CEP41: variants seen among roughly 807,000 people sequenced by gnomAD.
The protein encoded by CEP41 is centrosomal protein 41.
Under a neutral mutation model 44.3 loss-of-function variants are expected in CEP41, and 32 were observed. The observed-to-expected ratio is 0.72, with a 90% confidence interval of 0.54 to 0.97. The LOEUF (loss-of-function observed/expected upper bound fraction) is 0.97, where lower values mean the gene tolerates loss of function less well. Among genes scored for constraint, CEP41 ranks in the 50% least tolerant of loss-of-function variants. The pLI is 0.00. For missense variants in CEP41, 432 were observed against 455.2 expected (o/e 0.95, Z 0.46); for synonymous variants, 151 against 168.5 (o/e 0.90, Z 0.80).
chr7:130,422,089 T>C (rs1797526683), intron 2 of CEP41: 1 of 1,500,592 alleles, frequency 6.7e-7, no homozygotes. Context: ...TGAGTTCATA[T>C]GAGAAGCAGA....
At chr7:130,420,458 G>A (rs1260572924) in intron 2 of CEP41, 4 of 151,362 alleles carry the variant, frequency 2.6e-5, no homozygotes, top group African/African-American at 9.7e-5. Flanking sequence ...AACACAGTGA[G>A]AGCCCATCTC....
chr7:130,438,274 T>C (rs550782143), intron 1 of CEP41, among the ~76,000 whole-genome samples: 27 of 152,314 alleles, frequency 1.8e-4, no homozygotes, highest in East Asian at 7.7e-4. Flanking sequence ...ATAGTAACTA[T>C]TGGCAGGGCG....
chr7:130,416,860 C>A, intron 3 of CEP41, 59 bp downstream of exon 3: 3 of 1,298,656 alleles, frequency 2.3e-6, no homozygotes, highest in Non-Finnish European at 3.4e-6. Context: ...TAGTTAAGAA[C>A]CAATTTATAG....
intron 2 of CEP41, chr7:130,419,075 A>AT (rs1554421526): frequency 1.5e-5 from 15 of 985,318 alleles, no homozygotes; most frequent in Non-Finnish European, 2.4e-6. Flanking sequence ...TTAACACTTT[A>AT]TTTTGTATCA....
In CEP41 at chr7:130,394,547, G is replaced by A. The variant is rs758729376; in HGVS notation, c.*4344C>T. On this transcript the variant is annotated 3_prime_UTR_variant, in exon 11 of 11. Transcript: ENST00000223208. Reference sequence around the variant, plus strand: ...GATACTTTAAGCCTGGCAGAGACAGGGTAATAACACCCCCAGCAGCTCTCT... The same window carrying A: ...GATACTTTAAGCCTGGCAGAGACAGAGTAATAACACCCCCAGCAGCTCTCT... 1.1e-5 allele frequency: 5 copies of A among 453,900 alleles called. No homozygotes were observed. The highest frequency in any genetic ancestry group is 2.2e-5 in the Non-Finnish European group (5 of 226,782). 28.1% of individuals were successfully genotyped at this position (453,900 alleles called of 1,614,324 possible).
chr7:130,402,951 G>A, intron 6 of CEP41, 152 bp from the exon 7 acceptor site: 1 of 817,324 alleles, frequency 1.2e-6, no homozygotes, highest in Non-Finnish European at 2.1e-6. Flanking sequence ...TCTCAGTTCT[G>A]CCTCTGAATG....
chr7:130,440,769 G>A, intron 1 of CEP41, 165 bp downstream of exon 1: 1 of 712,808 alleles, frequency 1.4e-6, no homozygotes, highest in Non-Finnish European at 2.4e-6. Context: ...CTGCCCCGCG[G>A]CCCCCAAGCC....
At chr7:130,404,859 T>C (rs1160750164) in intron 5 of CEP41, 151 bp from the exon 6 acceptor site, 2 of 708,326 alleles carry the variant, frequency 2.8e-6, no homozygotes, top group Non-Finnish European at 5.0e-6. Context: ...CAAAGTGTAG[T>C]GGACCCCAAA....
At chr7:130,407,141 T>A (rs1797037412) in intron 5 of CEP41, among the ~76,000 whole-genome samples, 1 of 152,000 alleles carries the variant, frequency 6.6e-6, no homozygotes. Flanking sequence ...TGTTCCTGAT[T>A]GGGCAAGTAA....
intron 2 of CEP41, chr7:130,426,886 CCTCTTCTAAGACAGA>C (rs1797681292): frequency 3.7e-6 from 1 of 267,032 alleles, no homozygotes. Context: ...GCCACAATTT[CCTCTTCTAAGACAGA>C]GATAATATTT....
At position 130,400,739 on chromosome 7, in the gene CEP41, C is replaced by T. The variant is rs191246968; in HGVS notation, c.725G>A (p.Arg242His). The T allele has an allele frequency of 2.0e-5, 32 of 1,613,366 alleles. No homozygotes were observed. The highest frequency in any genetic ancestry group is 5.0e-5 in the Admixed American group (3 of 59,992). Residue 242 changes from arginine (R) to histidine (H), a missense_variant, in exon 9 of 11, where the codon CGT becomes CAT. Coordinates refer to ENST00000223208, the MANE Select transcript of CEP41 (RefSeq NM_018718.3). ...AAGCATGAAGAGGTTTTCAAATCCA[C>T]GCTCGCACATGGTGGTGGCCGCCTG... ...ASQAATTMCE[R>H]GFENLFMLSG...
In CEP41 at chr7:130,396,401, AT is replaced by A. The variant is rs781845370; in HGVS notation, c.*2489del. ...ATTGGACTGATTTCCTGATTCATTT[AT>A]TTTTTTTAAAAAATGCTTTCCTAGG... On this transcript the variant is annotated 3_prime_UTR_variant, in exon 11 of 11. Transcript: ENST00000223208. 106 of 454,284 alleles carry A rather than the reference AT, an allele frequency of 2.3e-4. 3 individuals are homozygous for A. Among genetic ancestry groups the A allele is most frequent in the South Asian group, 1.6e-3 (102 of 64,472 alleles). 28.1% of individuals were successfully genotyped at this position (454,284 alleles called of 1,614,324 possible). A position where few individuals can be genotyped will look rare whatever the true frequency, so the allele number is the denominator to read the frequency against.
rs782542855 is a variant in CEP41, at chr7:130,402,650, C to T, written c.572G>A (p.Gly191Glu). 6.2e-6 allele frequency: 10 copies of T among 1,614,090 alleles called. No individual in the cohort carries two copies. In the South Asian group the frequency reaches 1.1e-4, roughly 18 times the overall value. The part of the protein sequence containing the change: ...RDSYQQCHIV[G>E]AYSYPIATLS... ...CTTTAAAGCCTTCTCTCTCTTACCT[C>T]CAACAATGTGGCACTGCTGGTAAGA... Residue 191 changes from glycine (G) to glutamate (E), a missense_variant and splice_region_variant, in exon 7 of 11, where the codon GGA (glycine) becomes GAA (glutamate). By Grantham distance (98) the Gly-to-Glu change is moderately conservative. Coordinates refer to ENST00000223208, the MANE Select transcript of CEP41 (RefSeq NM_018718.3).
chr7:130,430,695 A>C (rs1488318740), intron 1 of CEP41, among the ~76,000 whole-genome samples: 6 of 152,308 alleles, frequency 3.9e-5, no homozygotes, highest in African/African-American at 1.4e-4. Flanking sequence ...AATTGAGTCA[A>C]GTAACGCTAA....
intron 2 of CEP41, among the ~76,000 whole-genome samples, chr7:130,422,252 A>C (rs1797531502): frequency 1.3e-5 from 2 of 152,234 alleles, no homozygotes; most frequent in Non-Finnish European, 2.9e-5. Context: ...GTTTGGTAAG[A>C]AAAGATGAAA....
chr7:130,400,296 C>G (rs782382703), intron 9 of CEP41, 42 bp from the exon 10 acceptor site: 2 of 1,415,428 alleles, frequency 1.4e-6, no homozygotes, highest in Non-Finnish European at 2.0e-6. Context: ...ATTAATATGG[C>G]AAGGCCAGGC....
rs1442505460 is a variant in CEP41, at chr7:130,393,921, A to C, written c.*4970T>G. The C allele has an allele frequency of 1.1e-5, 5 of 454,016 alleles. No homozygotes were observed. The highest frequency in any genetic ancestry group is 2.2e-5 in the Non-Finnish European group (5 of 226,812). 28.1% of individuals were successfully genotyped at this position (454,016 alleles called of 1,614,324 possible). A position where few individuals can be genotyped will look rare whatever the true frequency, so the allele number is the denominator to read the frequency against. ...CATTAACAGACAAAATAACCTCGGAAGCCCTGGAGCACCTGTCTTCAAGAT... is the reference window on the plus strand; with the variant it reads ...CATTAACAGACAAAATAACCTCGGACGCCCTGGAGCACCTGTCTTCAAGAT... On this transcript the variant is annotated 3_prime_UTR_variant, in exon 11 of 11. Coordinates refer to ENST00000223208, the MANE Select transcript of CEP41 (RefSeq NM_018718.3).
intron 5 of CEP41, chr7:130,410,877 T>C (rs1309660275): frequency 3.5e-6 from 2 of 568,920 alleles, no homozygotes; most frequent in African/African-American, 3.8e-5. Flanking sequence ...AAAAAGTAAT[T>C]AGTATATTAA....
At chr7:130,426,133 C>T (rs1163046388) in intron 2 of CEP41, among the ~76,000 whole-genome samples, 1 of 152,108 alleles carries the variant, frequency 6.6e-6, no homozygotes, top group Non-Finnish European at 1.5e-5. Flanking sequence ...AAAATGTTAC[C>T]TCTATGGGAA....
Sources: allele counts gnomAD v4.1 joint callset (sites outside exome capture counted in the v4.1 genomes callset), GRCh38; gene constraint gnomAD v4.1.1; transcripts MANE v1.5; gene names NCBI Gene and HGNC (gene_info 2026-07-23, HGNC 2026-07-21).